Variants in CNTNAP5 observed in about 807,000 individuals in gnomAD.
CNTNAP5 encodes the protein contactin associated protein family member 5.
In CNTNAP5, 72 loss-of-function variants were observed where a neutral mutation model predicts 150.2. The ratio of observed to expected loss-of-function variants is 0.48; its 90% CI spans 0.40 to 0.58. The LOEUF is 0.58. Among genes scored for constraint, CNTNAP5 ranks in the 20% least tolerant of loss-of-function variants. CNTNAP5 has a pLI of 0.00. For synonymous variants in CNTNAP5, 672 were observed against 619.8 expected (o/e 1.08, Z -1.25); for missense variants, 1,636 against 1,626.2 (o/e 1.01, Z -0.10).
intron 1 of CNTNAP5, among the ~76,000 whole-genome samples, chr2:124,193,444 A>G (rs968847988): frequency 2.0e-5 from 3 of 152,192 alleles, no homozygotes; most frequent in African/African-American, 7.2e-5. Flanking sequence ...CCAAGCATCC[A>G]GGGCTATGTG....
intron 1 of CNTNAP5, among the ~76,000 whole-genome samples, chr2:124,209,011 T>C (rs1429645948): frequency 6.6e-6 from 1 of 152,144 alleles, no homozygotes; most frequent in East Asian, 1.9e-4. Flanking sequence ...AGGAATACTA[T>C]ATCACAGAGA....
chr2:124,917,160 C>A lies in CNTNAP5; in HGVS notation c.*2872C>A, dbSNP rs1413952975. On this transcript the variant is annotated 3_prime_UTR_variant, in exon 24 of 24. Coordinates refer to ENST00000682447, the MANE Select transcript of CNTNAP5 (RefSeq NM_001367498.1). ...CTACCACATTCAGGTTTCCCAACTA[C>A]ATGCTCTGGCCAACTGGGCCACCAT... Among the ~76,000 whole-genome samples, 1 of 151,990 alleles carries A rather than the reference C, an allele frequency of 6.6e-6. No individual in the cohort carries two copies. Among genetic ancestry groups the A allele is most frequent in the African/African-American group, 2.4e-5 (1 of 41,406 alleles).
chr2:124,405,390 C>G (rs1691544338), intron 3 of CNTNAP5, among the ~76,000 whole-genome samples: 1 of 152,028 alleles, frequency 6.6e-6, no homozygotes, highest in Admixed American at 6.6e-5. Flanking sequence ...TGGAGGAGAC[C>G]CTTGAAAACG....
intron 22 of CNTNAP5, among the ~76,000 whole-genome samples, chr2:124,904,569 A>G (rs1221978469): frequency 6.6e-6 from 1 of 152,132 alleles, no homozygotes; most frequent in Non-Finnish European, 1.5e-5. Flanking sequence ...CCAGAAATAA[A>G]CCCAGGCTTA....
At chr2:124,825,140 G>A (rs1201263256) in intron 19 of CNTNAP5, among the ~76,000 whole-genome samples, 1 of 152,094 alleles carries the variant, frequency 6.6e-6, no homozygotes, top group Non-Finnish European at 1.5e-5. Context: ...TACTGAGAGT[G>A]TTTGGTAAAT....
intron 1 of CNTNAP5, among the ~76,000 whole-genome samples, chr2:124,155,757 T>G (rs919500669): frequency 4.8e-4 from 73 of 152,178 alleles, no homozygotes; most frequent in African/African-American, 1.7e-3. Flanking sequence ...CACCCATCCG[T>G]TTTTTAGGAG....
chr2:124,574,718 C>A (rs1036151750), intron 11 of CNTNAP5, among the ~76,000 whole-genome samples: 1 of 152,170 alleles, frequency 6.6e-6, no homozygotes, highest in African/African-American at 2.4e-5. Context: ...TATAATTTAT[C>A]AGTATTTTTT....
intron 3 of CNTNAP5, among the ~76,000 whole-genome samples, chr2:124,373,231 G>T (rs994604940): frequency 6.6e-6 from 1 of 152,132 alleles, no homozygotes; most frequent in Admixed American, 6.6e-5. Flanking sequence ...ATGATGACGA[G>T]AACTATTATT....
At chr2:124,753,475 C>T (rs1680774077) in intron 14 of CNTNAP5, among the ~76,000 whole-genome samples, 1 of 152,200 alleles carries the variant, frequency 6.6e-6, no homozygotes, top group Admixed American at 6.5e-5. Context: ...GCCATTACTC[C>T]TGTTTCACAA....
At chr2:124,670,008 T>A (rs1030548324) in intron 13 of CNTNAP5, among the ~76,000 whole-genome samples, 2 of 152,042 alleles carry the variant, frequency 1.3e-5, no homozygotes, top group South Asian at 2.1e-4. Context: ...TCCATCCCCA[T>A]CCCCATTTCA....
intron 12 of CNTNAP5, among the ~76,000 whole-genome samples, chr2:124,628,826 G>A (rs375921070): frequency 2.0e-5 from 3 of 152,244 alleles, no homozygotes; most frequent in African/African-American, 7.2e-5. Context: ...CACATCTCAT[G>A]TCCAAAGATG....
chr2:124,388,654 G>T (rs1190261519), intron 3 of CNTNAP5, among the ~76,000 whole-genome samples: 1 of 152,012 alleles, frequency 6.6e-6, no homozygotes, highest in Non-Finnish European at 1.5e-5. Flanking sequence ...GTCCATCCCT[G>T]GTCTGACTTC....
chr2:124,422,204 T>C (rs866683417), intron 4 of CNTNAP5, among the ~76,000 whole-genome samples: 8 of 152,362 alleles, frequency 5.3e-5, no homozygotes, highest in Non-Finnish European at 1.0e-4. Context: ...GAATTACTTT[T>C]GTTTCTATGG....
intron 1 of CNTNAP5, among the ~76,000 whole-genome samples, chr2:124,151,349 G>T (rs190418198): frequency 6.6e-6 from 1 of 152,150 alleles, no homozygotes; most frequent in Non-Finnish European, 1.5e-5. Context: ...TGCACTGCCA[G>T]ATCTCCACAG....
intron 3 of CNTNAP5, among the ~76,000 whole-genome samples, chr2:124,358,798 T>G (rs1341960719): frequency 9.2e-5 from 14 of 151,734 alleles, no homozygotes; most frequent in African/African-American, 3.4e-4. Flanking sequence ...GGCTTTGGTA[T>G]CAGAATGATG....
chr2:124,898,562 AG>A, intron 21 of CNTNAP5, among the ~76,000 whole-genome samples: 1 of 151,736 alleles, frequency 6.6e-6, no homozygotes, highest in East Asian at 1.9e-4. Flanking sequence ...CAAGAAATAA[AG>A]GTGTTTGCAA....
intron 16 of CNTNAP5, among the ~76,000 whole-genome samples, chr2:124,767,447 C>T (rs1413410327): frequency 1.3e-5 from 2 of 152,152 alleles, no homozygotes; most frequent in African/African-American, 4.8e-5. Context: ...CTCACAATGG[C>T]TGTACAGGTA....
chr2:124,754,329 A>C (rs908827337), intron 14 of CNTNAP5, among the ~76,000 whole-genome samples: 2 of 152,116 alleles, frequency 1.3e-5, no homozygotes, highest in Admixed American at 1.3e-4. Context: ...TTTATGAGCT[A>C]CTCTACTGCT....
At chr2:124,290,838 A>G (rs560679807) in intron 3 of CNTNAP5, among the ~76,000 whole-genome samples, 1 of 152,200 alleles carries the variant, frequency 6.6e-6, no homozygotes, top group South Asian at 2.1e-4. Flanking sequence ...CAGGCATTGC[A>G]GAGGCCCTGA....
Sources: gnomAD v4.1 joint callset for allele counts (sites outside exome capture counted in the v4.1 genomes callset) on GRCh38, gnomAD v4.1.1 for gene constraint, MANE v1.5 for transcripts, NCBI Gene and HGNC (gene_info 2026-07-23, HGNC 2026-07-21) for gene names.